The following SEPTIN8 variants were observed in gnomAD, a reference collection of about 807,000 sequenced individuals.
SEPTIN8 encodes septin 8.
SEPTIN8 carries 22 observed loss-of-function variants against 53.1 expected under a neutral mutation model. The ratio of observed to expected loss-of-function variants is 0.41; its 90% confidence interval spans 0.30 to 0.59. The LOEUF is 0.59. Among genes scored for constraint, SEPTIN8 ranks in the 20% least tolerant of loss-of-function variants. SEPTIN8 has a pLI of 0.24. For missense variants in SEPTIN8, 536 were observed against 638.7 expected (o/e 0.84, Z 1.73); for synonymous variants, 228 against 248.4 (o/e 0.92, Z 0.77).
At chr5:132,756,723 G>A (rs1474460927) in intron 9 of SEPTIN8, 1 of 985,378 alleles carries the variant, frequency 1.0e-6, no homozygotes, top group African/African-American at 1.7e-5. Context: ...CAAGTGTCCT[G>A]AAGATCCTGG....
At chr5:132,763,431 G>A (rs112563155) in intron 4 of SEPTIN8, among the ~76,000 whole-genome samples, 12 of 152,180 alleles carry the variant, frequency 7.9e-5, no homozygotes, top group African/African-American at 1.7e-4. Context: ...TATCGGGAGC[G>A]GGAGGGGCTG....
rs113108312 is a variant in SEPTIN8, at chr5:132,768,656, C to T, written c.31-3127G>A. Among the ~76,000 whole-genome samples, 266 of 152,290 alleles carry T rather than the reference C, an allele frequency of 1.7e-3. 2 individuals carry two copies. The highest frequency in any genetic ancestry group is 6.1e-3 in the African/African-American group (255 of 41,558). On this transcript the variant is annotated intron_variant, in intron 1 of 9. Coordinates refer to ENST00000378719, the MANE Select transcript of SEPTIN8 (RefSeq NM_001098811.2). ...AGCCCTGCAATTTGGTGGGTGAGAC[C>T]ACAGCTCCAACTCCCAGGGTGGGAG...
rs1179015645 is a variant in SEPTIN8, at chr5:132,762,103, G to A, written c.697-207C>T. Among the ~76,000 whole-genome samples the A allele has an allele frequency of 2.6e-5, 4 of 152,132 alleles. No individual in the cohort carries two copies. In the East Asian group the frequency reaches 5.8e-4, roughly 22 times the overall value. On this transcript the variant is annotated intron_variant, in intron 5 of 9. Transcript: ENST00000378719. Reference sequence around the variant, plus strand: ...CTGAACCCTCAACCCCCTCCCTGGTGCTCCTGATTCTCCAGGCTGTTCTTT... The same window carrying A: ...CTGAACCCTCAACCCCCTCCCTGGTACTCCTGATTCTCCAGGCTGTTCTTT...
At position 132,760,693 on chromosome 5, in the gene SEPTIN8, G is replaced by A. The variant is rs1755820363; in HGVS notation, c.1286+109C>T. 1 of 1,044,162 alleles carries A rather than the reference G, an allele frequency of 9.6e-7. No homozygotes were observed. Among genetic ancestry groups the A allele is most frequent in the Non-Finnish European group, 1.4e-6 (1 of 714,876 alleles). 64.7% of individuals were successfully genotyped at this position (1,044,162 alleles called of 1,614,324 possible). On this transcript the variant is annotated intron_variant, in intron 9 of 9. Transcript: ENST00000378719. The surrounding 1 kb of genome is among the most constrained non-coding windows in gnomAD (Gnocchi z 5.2). ...AGATGAGGGAAAACCAAACAGGAAA[G>A]GGGTAAGAGAGGGCGAGCAGGAGAG...
intron 9 of SEPTIN8, chr5:132,756,857 T>C (rs1561737791): frequency 1.0e-5 from 10 of 985,304 alleles, no homozygotes; most frequent in Non-Finnish European, 9.6e-6. Flanking sequence ...GGTTGGCCCA[T>C]GAACCAGGAA....
At position 132,754,764 on chromosome 5, in the gene SEPTIN8, C is replaced by T. The variant is rs150427855; in HGVS notation, c.1287-2583G>A. ...ATTAGGAACTCCTATCCCACCTCAA[C>T]TCAGAGATTGGGAAACATTTCTCAG... is the stretch of plus-strand genomic sequence containing the variant. On this transcript the variant is annotated intron_variant, in intron 9 of 9. Transcript: ENST00000378719. 4.5e-3 allele frequency among the ~76,000 whole-genome samples: 684 copies of T among 152,330 alleles called. 6 individuals carry two copies. Among genetic ancestry groups the T allele is most frequent in the African/African-American group, 0.015 (634 of 41,564 alleles).
chr5:132,765,976 G>C (rs578142270), intron 1 of SEPTIN8, among the ~76,000 whole-genome samples: 1 of 152,246 alleles, frequency 6.6e-6, no homozygotes, highest in East Asian at 1.9e-4. Flanking sequence ...GTCCTCCCAG[G>C]CCCTCCCACT....
Position 132,764,238 on chromosome 5 carries a change from G to T in SEPTIN8, c.333C>A (p.Ile111=). The part of the protein sequence containing the change: ...IVDAVGFGDQ[I]NKDESYRPIV... ...CCGCCTCTTGCCTCTCATCCTTATT[G>T]ATCTGATCCCCAAAGCCCACGGCAT... is the stretch of plus-strand genomic sequence containing the variant. Residue 111 remains isoleucine (I), a synonymous_variant, in exon 3 of 10, where the codon ATC becomes ATA. Transcript: ENST00000378719. The T allele has an allele frequency of 6.2e-7, 1 of 1,613,202 alleles. No homozygotes were observed. The highest frequency in any genetic ancestry group is 8.5e-7 in the Non-Finnish European group (1 of 1,179,518).
upstream of SEPTIN8, among the ~76,000 whole-genome samples, chr5:132,778,751 G>A (rs1757976898): frequency 6.6e-6 from 1 of 152,098 alleles, no homozygotes; most frequent in Non-Finnish European, 1.5e-5. Context: ...CATAAGTAAA[G>A]GGCTTTAAGT....
At chr5:132,770,087 ATGTATATATATATGTATATATG>A (rs1757121750) in intron 1 of SEPTIN8, among the ~76,000 whole-genome samples, 1 of 51,210 alleles carries the variant, frequency 2.0e-5, no homozygotes, top group Admixed American at 3.0e-4. Context: ...ATATGTATAT[ATGTATATATATATGTATATATG>A]TATATATATA....
chr5:132,766,203 G>C (rs1338498014), intron 1 of SEPTIN8, among the ~76,000 whole-genome samples: 1 of 152,206 alleles, frequency 6.6e-6, no homozygotes, highest in Non-Finnish European at 1.5e-5. Flanking sequence ...CAAAGGGACT[G>C]AGACTCTGAG....
At position 132,761,606 on chromosome 5, in the gene SEPTIN8, C is replaced by T. The variant is rs1755964027; in HGVS notation, c.814G>A (p.Asp272Asn). 3.1e-6 allele frequency: 5 copies of T among 1,613,794 alleles called. No homozygotes were observed. Among genetic ancestry groups the T allele is most frequent in the African/African-American group, 1.3e-5 (1 of 74,892 alleles). ...VVQVENENHC[D>N]FVKLREMLIR... ...AACATCTCCCGCAGCTTCACGAAGT[C>T]GCAGTGATTCTCATTCTCCACTGAA... Residue 272 changes from aspartate to asparagine, a missense_variant, in exon 7 of 10, where the codon GAC becomes AAC. Asp to Asn is a conservative substitution (Grantham distance 23). Coordinates refer to ENST00000378719, the MANE Select transcript of SEPTIN8 (RefSeq NM_001098811.2). The surrounding 1 kb of genome is among the most constrained non-coding windows in gnomAD (Gnocchi z 5.8).
rs747639145 is a variant in SEPTIN8, at chr5:132,761,769, C to T, written c.793+31G>A. 3 of 1,592,812 alleles carry T rather than the reference C, an allele frequency of 1.9e-6. No individual in the cohort carries two copies. Among genetic ancestry groups the T allele is most frequent in the Admixed American group, 3.5e-5 (2 of 57,786 alleles). On this transcript the variant is annotated intron_variant, in intron 6 of 9. Transcript: ENST00000378719. The surrounding 1 kb of genome is among the most constrained non-coding windows in gnomAD (Gnocchi z 5.8). ...GGGCAGGCCAGGGAACTCAGTTCTA[C>T]CCCCAGGATGCATTTCCTGTCCACA...
chr5:132,777,703 C>A (rs989233132), upstream of SEPTIN8: 1 of 985,550 alleles, frequency 1.0e-6, no homozygotes. The surrounding 1 kb of genome is among the most constrained non-coding windows in gnomAD (Gnocchi z 4.1). Context: ...GCGGGAGACC[C>A]GTCGGATCCG....
In SEPTIN8 at chr5:132,761,778, T is replaced by C; in HGVS notation, c.793+22A>G. 6.3e-7 allele frequency: 1 copy of C among 1,599,346 alleles called. No homozygotes were observed. Among genetic ancestry groups the C allele is most frequent in the South Asian group, 1.1e-5 (1 of 88,686 alleles). On this transcript the variant is annotated intron_variant, in intron 6 of 9. Transcript: ENST00000378719. This position sits in a 1 kb window ranked among gnomAD's most constrained non-coding sequence, Gnocchi z 5.8. ...AGGGAACTCAGTTCTACCCCCAGGA[T>C]GCATTTCCTGTCCACACTCACCCTG...
At chr5:132,754,565 TA>T (rs1169029259) in intron 9 of SEPTIN8, 1 of 716,748 alleles carries the variant, frequency 1.4e-6, no homozygotes, top group East Asian at 2.7e-5. Context: ...AGGACTGGGG[TA>T]AGAGACAACC....
At chr5:132,779,716 G>T (rs1047299060), upstream of SEPTIN8, among the ~76,000 whole-genome samples, 1 of 152,160 alleles carries the variant, frequency 6.6e-6, no homozygotes, top group African/African-American at 2.4e-5. Context: ...ACTTCACAAA[G>T]ATATTGTGTT....
chr5:132,756,987 G>C (rs1419896583), intron 9 of SEPTIN8: 27 of 985,256 alleles, frequency 2.7e-5, no homozygotes, highest in African/African-American at 3.5e-5. Flanking sequence ...TACACTTTCA[G>C]ACATAAAATT....
At chr5:132,762,761 G>C in intron 4 of SEPTIN8, 116 bp from the exon 5 acceptor site, 2 of 1,171,290 alleles carry the variant, frequency 1.7e-6, no homozygotes, top group Non-Finnish European at 2.5e-6. Context: ...GCAGGGGGAA[G>C]GAGGCCAGAG....
Sources: allele counts gnomAD v4.1 joint callset (sites outside exome capture counted in the v4.1 genomes callset), GRCh38; gene constraint gnomAD v4.1.1; non-coding constraint Gnocchi (gnomAD v3.1); transcripts MANE v1.5; gene names NCBI Gene and HGNC (gene_info 2026-07-23, HGNC 2026-07-21).